STX8: variants seen among roughly 807,000 people sequenced by gnomAD.
STX8 encodes the protein syntaxin-8.
Under a neutral mutation model 37.5 loss-of-function variants are expected in STX8, and 23 were observed. The observed-to-expected ratio is 0.61, with a 90% confidence interval of 0.44 to 0.87. The LOEUF (loss-of-function observed/expected upper bound fraction) is 0.87, where lower values mean the gene tolerates loss of function less well. STX8 is among the 40% of genes least tolerant of loss of function. STX8 has a pLI of 0.00. For missense variants in STX8, 313 were observed against 284.7 expected (o/e 1.10, Z -0.71); for synonymous variants, 115 against 99.1 (o/e 1.16, Z -0.95).
At chr17:9,335,832 G>GAGACACAC (rs1555597771) in intron 7 of STX8, among the ~76,000 whole-genome samples, 2 of 147,732 alleles carry the variant, frequency 1.4e-5, no homozygotes, top group East Asian at 2.0e-4. Context: ...CACACACGTA[G>GAGACACAC]ACACACACAC....
chr17:9,286,492 T>A (rs1199332253), intron 7 of STX8, among the ~76,000 whole-genome samples: 1 of 152,154 alleles, frequency 6.6e-6, no homozygotes, highest in African/African-American at 2.4e-5. Flanking sequence ...GAAAAAGCAC[T>A]TAAAAAAGGT....
rs10701494 is a variant in STX8, at chr17:9,335,832, G to GACACACACACAC, written c.643+42708_643+42719dup. On this transcript the variant is annotated intron_variant, in intron 7 of 7. Coordinates refer to ENST00000306357, the MANE Select transcript of STX8 (RefSeq NM_004853.3). The stretch of plus-strand genomic sequence containing the variant: ...TCTCTCTCACACACACACACACGTA[G>GACACACACACAC]ACACACACACACACACTCACACTCA... Among the ~76,000 whole-genome samples the GACACACACACAC allele has an allele frequency of 6.2e-3, 919 of 147,828 alleles. 15 individuals carry two copies. The highest frequency in any genetic ancestry group is 0.017 in the African/African-American group (683 of 39,968).
At chr17:9,386,522 A>AGGGAGGAAGGGAAGTC (rs1912019224) in intron 6 of STX8, among the ~76,000 whole-genome samples, 1 of 152,034 alleles carries the variant, frequency 6.6e-6, no homozygotes, top group Non-Finnish European at 1.5e-5. Flanking sequence ...AACACACAGA[A>AGGGAGGAAGGGAAGTC]GGGAGGAAGG....
intron 1 of STX8, among the ~76,000 whole-genome samples, chr17:9,572,070 A>C (rs565358096): frequency 3.6e-4 from 55 of 152,316 alleles, no homozygotes; most frequent in African/African-American, 1.3e-3. Context: ...TTTAAAAAGC[A>C]ATTCAACACA....
At chr17:9,424,503 A>G (rs35666827) in intron 6 of STX8, among the ~76,000 whole-genome samples, 49,151 of 151,776 alleles carry the variant, frequency 0.32, 10,467 homozygotes, top group African/African-American at 0.61. Context: ...ACACCTGCCT[A>G]AAGTGCAGCG....
chr17:9,349,093 G>A (rs578189319), intron 7 of STX8, among the ~76,000 whole-genome samples: 1 of 152,258 alleles, frequency 6.6e-6, no homozygotes, highest in East Asian at 1.9e-4. Context: ...CCGGGTTCAA[G>A]TGATTCTCCT....
At chr17:9,571,734 G>A (rs1486669707) in intron 1 of STX8, among the ~76,000 whole-genome samples, 1 of 151,884 alleles carries the variant, frequency 6.6e-6, no homozygotes, top group African/African-American at 2.4e-5. Context: ...GGCCAACATG[G>A]CAAAACCCCA....
intron 6 of STX8, among the ~76,000 whole-genome samples, chr17:9,475,252 C>G (rs1229353108): frequency 6.6e-6 from 1 of 152,100 alleles, no homozygotes. Context: ...AGATTCTCTT[C>G]AAGAATAGAG....
At chr17:9,331,197 C>T (rs961943955) in intron 7 of STX8, among the ~76,000 whole-genome samples, 1 of 152,164 alleles carries the variant, frequency 6.6e-6, no homozygotes, top group African/African-American at 2.4e-5. Context: ...TCAAAGGATA[C>T]GCTACGAAAC....
At chr17:9,414,489 C>G (rs1469595467) in intron 6 of STX8, among the ~76,000 whole-genome samples, 2 of 152,232 alleles carry the variant, frequency 1.3e-5, no homozygotes, top group African/African-American at 2.4e-5. Context: ...GTCATACTTA[C>G]CTCATTGCAA....
intron 4 of STX8, among the ~76,000 whole-genome samples, chr17:9,544,731 A>G (rs554061624): frequency 4.7e-4 from 71 of 152,224 alleles, no homozygotes; most frequent in South Asian, 3.7e-3. Flanking sequence ...AGTGGCTCAC[A>G]CCTGTAATCC....
chr17:9,291,333 C>T (rs1332698435), intron 7 of STX8, among the ~76,000 whole-genome samples: 1 of 151,058 alleles, frequency 6.6e-6, no homozygotes, highest in African/African-American at 2.4e-5. Context: ...GTAGTCCCAG[C>T]TACTCAGGAG....
intron 7 of STX8, among the ~76,000 whole-genome samples, chr17:9,294,549 G>T (rs1908443770): frequency 6.6e-6 from 1 of 152,216 alleles, no homozygotes; most frequent in African/African-American, 2.4e-5. Context: ...GAGCAGACAG[G>T]AATCAGGAAT....
chr17:9,360,194 T>C (rs1911015264), intron 7 of STX8, among the ~76,000 whole-genome samples: 1 of 151,440 alleles, frequency 6.6e-6, no homozygotes, highest in Non-Finnish European at 1.5e-5. Context: ...CTTTCTATTG[T>C]GGGCAAAATA....
Position 9,454,542 on chromosome 17 carries a change from T to G in STX8, c.541+37287A>C, listed in dbSNP as rs975166075. 9.9e-5 allele frequency among the ~76,000 whole-genome samples: 15 copies of G among 152,076 alleles called. 2 individuals carry two copies. Among genetic ancestry groups the G allele is most frequent in the Admixed American group, 7.2e-4 (11 of 15,278 alleles). On this transcript the variant is annotated intron_variant, in intron 6 of 7. Transcript: ENST00000306357. ...AAAAATACAAAAAATTAGCCAGGCC[T>G]GGTGGCAGGCGCCTATAGTCCCAGC...
intron 6 of STX8, among the ~76,000 whole-genome samples, chr17:9,396,581 G>A (rs1202083899): frequency 6.6e-6 from 1 of 151,938 alleles, no homozygotes; most frequent in Non-Finnish European, 1.5e-5. Context: ...ATGGTGGCGA[G>A]TGCCTGTAAT....
intron 7 of STX8, among the ~76,000 whole-genome samples, chr17:9,259,199 T>C (rs908195383): frequency 6.6e-6 from 1 of 152,160 alleles, no homozygotes; most frequent in Non-Finnish European, 1.5e-5. Context: ...GAAACAAGAC[T>C]GAAAAATCCT....
chr17:9,407,337 G>A (rs1238238945), intron 6 of STX8, among the ~76,000 whole-genome samples: 1 of 152,022 alleles, frequency 6.6e-6, no homozygotes, highest in South Asian at 2.1e-4. Context: ...CCCCAGCACC[G>A]TATTTTACAA....
chr17:9,252,537 A>T lies in STX8; in HGVS notation c.644-1892T>A, dbSNP rs374332946. On this transcript the variant is annotated intron_variant, in intron 7 of 7. Transcript: ENST00000306357. The stretch of plus-strand genomic sequence containing the variant: ...GGCAAGAGAATCGTTTGAACACGGG[A>T]GGCGGAGGTTGCAGTGAGCTGAGAT... Among the ~76,000 whole-genome samples the T allele has an allele frequency of 4.0e-3, 590 of 147,814 alleles. 2 individuals are homozygous for T. The highest frequency in any genetic ancestry group is 0.022 in the South Asian group (99 of 4,522).
Sources: allele counts gnomAD v4.1 joint callset (sites outside exome capture counted in the v4.1 genomes callset), GRCh38; gene constraint gnomAD v4.1.1; transcripts MANE v1.5; gene names NCBI Gene and HGNC (gene_info 2026-07-23, HGNC 2026-07-21).